XKR4: variants seen among roughly 807,000 people sequenced by gnomAD.
XKR4 encodes the protein XK-related protein 4.
XKR4 carries 12 observed loss-of-function variants against 53.9 expected under a neutral mutation model. That is an observed-to-expected ratio of 0.22 (90% confidence interval 0.14 to 0.36). The LOEUF (loss-of-function observed/expected upper bound fraction) is 0.36, where lower values mean the gene tolerates loss of function less well. Among genes scored for constraint, XKR4 ranks in the 10% least tolerant of loss-of-function variants. XKR4 has a pLI of 1.00. For synonymous variants in XKR4, 354 were observed against 362.4 expected, an observed-to-expected ratio of 0.98 and a Z score of 0.26; for missense variants, 799 against 859.5, an observed-to-expected ratio of 0.93 and a Z score of 0.88.
intron 1 of XKR4, among the ~76,000 whole-genome samples, chr8:55,216,412 G>C (rs1350523153): frequency 6.6e-6 from 1 of 152,136 alleles, no homozygotes; most frequent in African/African-American, 2.4e-5. Context: ...GGTAGAGAAG[G>C]ATTTTTAAAA....
At chr8:55,416,020 T>C (rs78086071) in intron 2 of XKR4, among the ~76,000 whole-genome samples, 1 of 152,246 alleles carries the variant, frequency 6.6e-6, no homozygotes, top group African/African-American at 2.4e-5. Flanking sequence ...ATTTTGTCTT[T>C]AGGAGTAAGT....
At chr8:55,368,404 G>T (rs1585541661) in intron 2 of XKR4, among the ~76,000 whole-genome samples, 1 of 152,308 alleles carries the variant, frequency 6.6e-6, no homozygotes, top group Non-Finnish European at 1.5e-5. Context: ...ACTGGCTCGT[G>T]TGAGTCCTGC....
chr8:55,464,403 A>G lies in XKR4; in HGVS notation c.1007-58878A>G, dbSNP rs187219678. 3.4e-3 allele frequency among the ~76,000 whole-genome samples: 511 copies of G among 152,306 alleles called. 3 individuals carry two copies. Among genetic ancestry groups the G allele is most frequent in the Non-Finnish European group, 6.2e-3 (421 of 68,036 alleles). ...CATGATTATCTCAATAGATGCAGAA[A>G]ACGCCTTTCACAAAATTCAATAACG... On this transcript the variant is annotated intron_variant, in intron 2 of 2. Transcript: ENST00000327381.
intron 2 of XKR4, chr8:55,455,119 G>A (rs1805538741): frequency 1.9e-5 from 12 of 642,644 alleles, no homozygotes; most frequent in South Asian, 1.3e-4. Flanking sequence ...CCAGCAGGAA[G>A]TAGTCTGTGA....
intron 2 of XKR4, among the ~76,000 whole-genome samples, chr8:55,476,748 C>G (rs562302143): frequency 6.6e-6 from 1 of 152,090 alleles, no homozygotes; most frequent in African/African-American, 2.4e-5. Context: ...GATTATATCC[C>G]GCACCTGGCT....
At chr8:55,155,695 C>G (rs1816898665) in intron 1 of XKR4, among the ~76,000 whole-genome samples, 1 of 151,808 alleles carries the variant, frequency 6.6e-6, no homozygotes, top group South Asian at 2.1e-4. Flanking sequence ...AAACACCCAG[C>G]CTAATAAACA....
At chr8:55,170,333 G>A (rs182787673) in intron 1 of XKR4, among the ~76,000 whole-genome samples, 1 of 152,260 alleles carries the variant, frequency 6.6e-6, no homozygotes, top group African/African-American at 2.4e-5. Context: ...GGATTATGTA[G>A]GGGTGTGTTG....
chr8:55,235,213 C>G lies in XKR4; in HGVS notation c.807-122465C>G, dbSNP rs562862922. ...TGGCCTTCTCCTCTGTACCTGTGTT[C>G]TCTCCTCTTCGAATAATGATTCTGG... On this transcript the variant is annotated intron_variant, in intron 1 of 2. Coordinates refer to ENST00000327381, the MANE Select transcript of XKR4 (RefSeq NM_052898.2). 2.0e-5 allele frequency among the ~76,000 whole-genome samples: 3 copies of G among 152,240 alleles called. No homozygotes were observed. In the South Asian group the frequency reaches 6.2e-4, roughly 32 times the overall value.
chr8:55,169,077 A>G (rs1817113125), intron 1 of XKR4, among the ~76,000 whole-genome samples: 1 of 152,238 alleles, frequency 6.6e-6, no homozygotes, highest in African/African-American at 2.4e-5. Flanking sequence ...CATGTTGCAT[A>G]CTAAATTCTG....
intron 1 of XKR4, among the ~76,000 whole-genome samples, chr8:55,121,859 CACA>C (rs1193419721): frequency 7.2e-5 from 11 of 151,818 alleles, no homozygotes; most frequent in Non-Finnish European, 1.2e-4. Flanking sequence ...CACACACACA[CACA>C]CCCCTTTGAC....
chr8:55,460,110 C>A (rs760283577), intron 2 of XKR4, among the ~76,000 whole-genome samples: 1 of 149,188 alleles, frequency 6.7e-6, no homozygotes, highest in Non-Finnish European at 1.5e-5. Flanking sequence ...AAAAGAATAA[C>A]AACTGATAGA....
At chr8:55,252,118 G>A (rs149478787) in intron 1 of XKR4, among the ~76,000 whole-genome samples, 1 of 152,268 alleles carries the variant, frequency 6.6e-6, no homozygotes, top group East Asian at 1.9e-4. Context: ...CCCTCCAATG[G>A]ATTTAAATTA....
chr8:55,454,020 C>T (rs539342594), intron 2 of XKR4: 7 of 887,518 alleles, frequency 7.9e-6, no homozygotes, highest in Non-Finnish European at 1.1e-5. Context: ...ATGCACACGA[C>T]GTGCAGGCAC....
At chr8:55,493,870 T>C (rs1352587740) in intron 2 of XKR4, among the ~76,000 whole-genome samples, 1 of 152,248 alleles carries the variant, frequency 6.6e-6, no homozygotes, top group Admixed American at 6.5e-5. Context: ...TGGTATTAAT[T>C]GCTTGTGGTC....
At chr8:55,206,543 A>G (rs1279897221) in intron 1 of XKR4, among the ~76,000 whole-genome samples, 1 of 152,216 alleles carries the variant, frequency 6.6e-6, no homozygotes. Flanking sequence ...CCTTTTGCTC[A>G]TCTACATTTA....
chr8:55,384,813 T>A (rs1804286783), intron 2 of XKR4, among the ~76,000 whole-genome samples: 1 of 152,358 alleles, frequency 6.6e-6, no homozygotes, highest in East Asian at 1.9e-4. Flanking sequence ...TGTGTGTTTA[T>A]AAGGCAATCA....
intron 1 of XKR4, among the ~76,000 whole-genome samples, chr8:55,208,316 GA>G (rs1817678411): frequency 6.6e-6 from 1 of 152,166 alleles, no homozygotes; most frequent in Non-Finnish European, 1.5e-5. Context: ...TAGTAGCAGA[GA>G]TATGATGAAA....
intron 2 of XKR4, among the ~76,000 whole-genome samples, chr8:55,457,682 A>G (rs141507102): frequency 1.5e-3 from 234 of 152,342 alleles, no homozygotes; most frequent in African/African-American, 5.3e-3. Flanking sequence ...AGAAATGAAG[A>G]GCACTGGAAG....
At chr8:55,234,419 C>G (rs1322671999) in intron 1 of XKR4, among the ~76,000 whole-genome samples, 1 of 152,056 alleles carries the variant, frequency 6.6e-6, no homozygotes, top group Non-Finnish European at 1.5e-5. Context: ...AAATGCATAG[C>G]TTTTTAGATC....
Sources: gnomAD v4.1 joint callset for allele counts (sites outside exome capture counted in the v4.1 genomes callset) on GRCh38, gnomAD v4.1.1 for gene constraint, MANE v1.5 for transcripts, NCBI Gene and HGNC (gene_info 2026-07-23, HGNC 2026-07-21) for gene names.